The following ROBO2 variants were observed in gnomAD, a reference collection of about 807,000 sequenced individuals.
ROBO2 encodes roundabout homolog 2.
Under a neutral mutation model 160.8 loss-of-function variants are expected in ROBO2, and 53 were observed. The ratio of observed to expected loss-of-function variants is 0.33; its 90% confidence interval spans 0.26 to 0.41. ROBO2 has a LOEUF of 0.41. Ranked by LOEUF, ROBO2 falls within the 10% of genes least tolerant of loss-of-function variation. The pLI, the probability that ROBO2 is intolerant of heterozygous loss-of-function variation, is 1.00. For missense variants in ROBO2, 1,577 were observed against 1,722.4 expected (o/e 0.92, Z 1.49); for synonymous variants, 664 against 611.7 (o/e 1.09, Z -1.26).
intron 2 of ROBO2, among the ~76,000 whole-genome samples, chr3:76,039,433 A>T (rs538285548): frequency 2.7e-4 from 41 of 152,154 alleles, no homozygotes; most frequent in African/African-American, 9.7e-4. Flanking sequence ...TTCTTGTTTA[A>T]TATAAATGGC....
At chr3:76,053,385 T>C (rs2067719116) in intron 2 of ROBO2, among the ~76,000 whole-genome samples, 1 of 151,992 alleles carries the variant, frequency 6.6e-6, no homozygotes, top group Non-Finnish European at 1.5e-5. Context: ...TAAAAACAGT[T>C]AAAAATGCAT....
chr3:76,081,076 C>A (rs1197740041), intron 2 of ROBO2, among the ~76,000 whole-genome samples: 1 of 151,994 alleles, frequency 6.6e-6, no homozygotes, highest in East Asian at 1.9e-4. Flanking sequence ...CATTAGCAAT[C>A]ACTTTCAAGT....
chr3:76,638,451 T>C (rs1578773128), intron 2 of ROBO2, among the ~76,000 whole-genome samples: 1 of 152,162 alleles, frequency 6.6e-6, no homozygotes, highest in South Asian at 2.1e-4. Context: ...CAAATTAGGC[T>C]TTTTTTAAAA....
intron 2 of ROBO2, among the ~76,000 whole-genome samples, chr3:75,992,863 C>A (rs144844390): frequency 2.9e-4 from 44 of 152,312 alleles, no homozygotes; most frequent in African/African-American, 5.1e-4. Context: ...CAAAGGAGAT[C>A]ACTTTGGAGC....
chr3:76,477,400 G>T (rs1357102756), intron 2 of ROBO2, among the ~76,000 whole-genome samples: 1 of 152,124 alleles, frequency 6.6e-6, no homozygotes, highest in Admixed American at 6.6e-5. Context: ...CCTACTCCAT[G>T]TGTAGCTTAT....
At chr3:77,034,767 T>G (rs977065986) in intron 2 of ROBO2, among the ~76,000 whole-genome samples, 2 of 151,992 alleles carry the variant, frequency 1.3e-5, no homozygotes, top group Non-Finnish European at 2.9e-5. Flanking sequence ...GTTTTGGATT[T>G]AAAATAAATT....
chr3:77,366,109 T>C (rs899078265), intron 2 of ROBO2, among the ~76,000 whole-genome samples: 6 of 152,158 alleles, frequency 3.9e-5, no homozygotes, highest in African/African-American at 1.4e-4. Context: ...TCTGTTGAGT[T>C]TGTAAAAAGA....
At chr3:77,511,261 G>T (rs1485006690) in intron 5 of ROBO2, among the ~76,000 whole-genome samples, 3 of 151,940 alleles carry the variant, frequency 2.0e-5, no homozygotes, top group African/African-American at 7.2e-5. Flanking sequence ...GGAGAGACGG[G>T]CACTCAGAAG....
rs575126445 is a variant in ROBO2, at chr3:76,283,706, A to G, written c.109+346104A>G. ...CACTTTTTCGTCAAGAAATGCTAAA[A>G]TGAAGAATGCTGAGATGTACTCTTG... On this transcript the variant is annotated intron_variant, in intron 2 of 26. Coordinates refer to the ROBO2 transcript ENST00000487694. 5.3e-5 allele frequency among the ~76,000 whole-genome samples: 8 copies of G among 152,142 alleles called. No individual in the cohort carries two copies. In the South Asian group the frequency reaches 1.2e-3, roughly 24 times the overall value.
At chr3:77,170,510 T>C (rs1041195059) in intron 2 of ROBO2, among the ~76,000 whole-genome samples, 8 of 152,254 alleles carry the variant, frequency 5.3e-5, no homozygotes, top group African/African-American at 1.9e-4. Context: ...TGTTACCTTT[T>C]CCAATAAGTC....
intron 2 of ROBO2, among the ~76,000 whole-genome samples, chr3:76,034,404 G>T (rs192301673): frequency 6.6e-6 from 1 of 152,004 alleles, no homozygotes; most frequent in East Asian, 1.9e-4. Context: ...TTTTCTCCCC[G>T]TGTGAAATAG....
intron 2 of ROBO2, among the ~76,000 whole-genome samples, chr3:76,829,887 C>CAGACCA (rs1559567699): frequency 3.3e-5 from 5 of 152,076 alleles, no homozygotes; most frequent in Non-Finnish European, 5.9e-5. Context: ...AGGTTGGTTT[C>CAGACCA]GAACCTCTGA....
intron 2 of ROBO2, among the ~76,000 whole-genome samples, chr3:77,380,612 T>A (rs1174890049): frequency 6.6e-6 from 1 of 152,098 alleles, no homozygotes; most frequent in Non-Finnish European, 1.5e-5. Context: ...TTTAGTGATA[T>A]CTAAACGTTC....
At chr3:76,446,684 A>G (rs2077200203) in intron 2 of ROBO2, among the ~76,000 whole-genome samples, 1 of 152,202 alleles carries the variant, frequency 6.6e-6, no homozygotes, top group Admixed American at 6.5e-5. Context: ...TACTGGTACC[A>G]AAACAGAGAT....
chr3:77,427,664 A>T (rs2078341555), intron 2 of ROBO2, among the ~76,000 whole-genome samples: 1 of 152,222 alleles, frequency 6.6e-6, no homozygotes, highest in Non-Finnish European at 1.5e-5. Context: ...AAATAACAGC[A>T]AGTCGTTAAT....
intron 2 of ROBO2, among the ~76,000 whole-genome samples, chr3:76,232,031 C>T (rs1445423168): frequency 6.6e-6 from 1 of 152,088 alleles, no homozygotes; most frequent in African/African-American, 2.4e-5. Context: ...AGACTGCTAA[C>T]ATCATAAATG....
intron 2 of ROBO2, among the ~76,000 whole-genome samples, chr3:76,981,353 C>T (rs1000455918): frequency 6.6e-6 from 1 of 152,154 alleles, no homozygotes; most frequent in Non-Finnish European, 1.5e-5. Context: ...TCCTCCACAG[C>T]ACTTTTTTAC....
intron 2 of ROBO2, among the ~76,000 whole-genome samples, chr3:76,890,845 C>A (rs1321571688): frequency 6.6e-6 from 1 of 152,054 alleles, no homozygotes; most frequent in Non-Finnish European, 1.5e-5. Flanking sequence ...TTGCCTGTTG[C>A]ACTTAATATG....
chr3:76,433,265 T>C (rs1449479986), intron 2 of ROBO2, among the ~76,000 whole-genome samples: 1 of 152,184 alleles, frequency 6.6e-6, no homozygotes, highest in African/African-American at 2.4e-5. Context: ...TATCACTAAA[T>C]AAAACCTTAG....
Sources: gnomAD v4.1 joint callset for allele counts (sites outside exome capture counted in the v4.1 genomes callset) on GRCh38, gnomAD v4.1.1 for gene constraint, MANE v1.5 for transcripts, NCBI Gene and HGNC (gene_info 2026-07-23, HGNC 2026-07-21) for gene names.